Variants in NELL1 observed in about 807,000 individuals in gnomAD.
The protein encoded by NELL1 is protein kinase C-binding protein NELL1.
A neutral mutation model predicts 107.4 loss-of-function variants in NELL1; 76 were observed. The ratio of observed to expected loss-of-function variants is 0.71; its 90% confidence interval spans 0.59 to 0.86. The LOEUF is 0.86. NELL1 is among the 40% of genes least tolerant of loss of function. The pLI, the probability that NELL1 is intolerant of heterozygous loss-of-function variation, is 0.00. For synonymous variants in NELL1, 353 were observed against 341.2 expected (o/e 1.03, Z -0.38); for missense variants, 1,024 against 1,005.5 (o/e 1.02, Z -0.25).
At chr11:21,106,931 A>G (rs1338293574) in intron 12 of NELL1, among the ~76,000 whole-genome samples, 1 of 152,116 alleles carries the variant, frequency 6.6e-6, no homozygotes. Context: ...CTGGGTCTTT[A>G]CTTTCTCATC....
At chr11:21,548,448 C>T (rs566310905) in intron 16 of NELL1, among the ~76,000 whole-genome samples, 26 of 151,658 alleles carry the variant, frequency 1.7e-4, no homozygotes, top group Admixed American at 1.4e-3. Context: ...CTCAAAATCA[C>T]GGTGGAAGGC....
At chr11:20,903,360 T>C (rs1849920222) in intron 5 of NELL1, among the ~76,000 whole-genome samples, 1 of 152,078 alleles carries the variant, frequency 6.6e-6, no homozygotes. Flanking sequence ...GGGCAATGAC[T>C]GGTTCTCAGT....
intron 2 of NELL1, among the ~76,000 whole-genome samples, chr11:20,774,191 C>T (rs1438317504): frequency 1.0e-5 from 1 of 99,838 alleles, no homozygotes; most frequent in African/African-American, 4.0e-5. Flanking sequence ...CCCCTCCCCT[C>T]CCATCCAGTC....
intron 11 of NELL1, among the ~76,000 whole-genome samples, chr11:20,950,229 G>A (rs115506760): frequency 6.6e-6 from 1 of 152,098 alleles, no homozygotes; most frequent in African/African-American, 2.4e-5. Context: ...AGAACATCCA[G>A]CCCACTTGTC....
intron 12 of NELL1, among the ~76,000 whole-genome samples, chr11:20,963,637 T>G (rs1851333315): frequency 6.6e-6 from 1 of 152,094 alleles, no homozygotes; most frequent in African/African-American, 2.4e-5. Flanking sequence ...GTAGACAAGC[T>G]TACAGATGGC....
intron 13 of NELL1, among the ~76,000 whole-genome samples, chr11:21,160,466 T>C (rs1356261225): frequency 7.9e-5 from 12 of 152,206 alleles, no homozygotes; most frequent in Admixed American, 7.9e-4. Flanking sequence ...TATGTTTTAA[T>C]TTCATTGTGT....
chr11:21,127,322 A>G (rs1451057625), intron 13 of NELL1, among the ~76,000 whole-genome samples: 1 of 152,150 alleles, frequency 6.6e-6, no homozygotes, highest in Non-Finnish European at 1.5e-5. Flanking sequence ...TAGGCTATAT[A>G]TGGTGGCTCA....
intron 12 of NELL1, among the ~76,000 whole-genome samples, chr11:21,075,988 C>A (rs1854126096): frequency 6.6e-6 from 1 of 152,142 alleles, no homozygotes; most frequent in South Asian, 2.1e-4. Context: ...TGATTCTGAG[C>A]AAATTTTTAT....
At chr11:20,709,242 C>T (rs572858626) in intron 2 of NELL1, among the ~76,000 whole-genome samples, 1 of 152,246 alleles carries the variant, frequency 6.6e-6, no homozygotes, top group South Asian at 2.1e-4. Flanking sequence ...GATCCAGTTT[C>T]ATTATTCGAC....
intron 15 of NELL1, among the ~76,000 whole-genome samples, chr11:21,475,179 C>G (rs1057346562): frequency 6.6e-6 from 1 of 152,096 alleles, no homozygotes; most frequent in African/African-American, 2.4e-5. Flanking sequence ...TTGGTTATAA[C>G]ACAACTTCCA....
chr11:20,686,410 TAAAAG>T lies in NELL1; in HGVS notation c.184+8355_184+8359del, dbSNP rs954197882. On this transcript the variant is annotated intron_variant, in intron 2 of 19. Coordinates refer to ENST00000357134, the MANE Select transcript of NELL1 (RefSeq NM_006157.5). ...CTTGAAATAAATTTTTTTAGGGTGT[TAAAAG>T]AAAAACTTTAGACAAATTAAATTTA... is the stretch of plus-strand genomic sequence containing the variant. Among the ~76,000 whole-genome samples the T allele has an allele frequency of 3.9e-5, 6 of 152,230 alleles. No homozygotes were observed. In the East Asian group the frequency reaches 5.8e-4, roughly 15 times the overall value.
chr11:20,924,594 A>G (rs1205127165), intron 7 of NELL1, among the ~76,000 whole-genome samples: 1 of 152,178 alleles, frequency 6.6e-6, no homozygotes, highest in African/African-American at 2.4e-5. Context: ...TCAGATAGAT[A>G]TAGAGTTGCC....
At chr11:21,353,712 C>A (rs1850867649) in intron 14 of NELL1, among the ~76,000 whole-genome samples, 1 of 152,064 alleles carries the variant, frequency 6.6e-6, no homozygotes, top group South Asian at 2.1e-4. Context: ...AAAGAAAGGT[C>A]GAATATATGC....
chr11:21,150,028 A>T (rs1336089648), intron 13 of NELL1, among the ~76,000 whole-genome samples: 1 of 152,088 alleles, frequency 6.6e-6, no homozygotes, highest in African/African-American at 2.4e-5. Flanking sequence ...CTGGAAAGAA[A>T]CAGCCGTGCA....
chr11:21,418,869 G>C (rs542654069), intron 15 of NELL1, among the ~76,000 whole-genome samples: 3 of 152,212 alleles, frequency 2.0e-5, no homozygotes, highest in Admixed American at 6.6e-5. Context: ...AAGAGGTTTA[G>C]AGCACACTTG....
intron 4 of NELL1, among the ~76,000 whole-genome samples, chr11:20,868,840 A>C (rs1412815529): frequency 2.6e-5 from 4 of 152,122 alleles, no homozygotes; most frequent in Non-Finnish European, 5.9e-5. Context: ...AGGCAAAAAG[A>C]CCTCACAAAG....
At chr11:21,108,988 G>A (rs545461030) in intron 12 of NELL1, among the ~76,000 whole-genome samples, 1 of 152,188 alleles carries the variant, frequency 6.6e-6, no homozygotes, top group East Asian at 1.9e-4. Flanking sequence ...GTTATTGAGT[G>A]CTAAAACTGG....
chr11:20,801,199 A>G (rs1857274573), intron 3 of NELL1, among the ~76,000 whole-genome samples: 1 of 152,194 alleles, frequency 6.6e-6, no homozygotes, highest in African/African-American at 2.4e-5. Flanking sequence ...TTCTTTATTC[A>G]AAGAAGAAAA....
chr11:21,266,147 T>C (rs78204712), intron 14 of NELL1, among the ~76,000 whole-genome samples: 2,448 of 152,100 alleles, frequency 0.016, 80 homozygotes, highest in African/African-American at 0.056. Context: ...GAGGTCACTC[T>C]GGAACCATTT....
Sources: allele counts gnomAD v4.1 joint callset (sites outside exome capture counted in the v4.1 genomes callset), GRCh38; gene constraint gnomAD v4.1.1; transcripts MANE v1.5; gene names NCBI Gene and HGNC (gene_info 2026-07-23, HGNC 2026-07-21).